Variants in H2BC12 observed in about 807,000 individuals in gnomAD.
The protein encoded by H2BC12 is H2B clustered histone 12, also known as histone H2B type 1-K.
H2BC12 carries 6 observed loss-of-function variants against 6.3 expected under a neutral mutation model. That is an observed-to-expected ratio of 0.95 (90% CI 0.52 to 1.87). H2BC12 has a LOEUF of 1.87. Among genes scored for constraint, H2BC12 ranks in the 40% most tolerant of loss-of-function variants. H2BC12 has a pLI of 0.01. For synonymous variants in H2BC12, 132 were observed against 78.5 expected (o/e 1.68, Z -3.60); for missense variants, 119 against 178.4 (o/e 0.67, Z 1.90).
chr6:27,141,538 G>A (rs1760007631), downstream of H2BC12, among the ~76,000 whole-genome samples: 1 of 152,062 alleles, frequency 6.6e-6, no homozygotes, highest in Non-Finnish European at 1.5e-5. Flanking sequence ...CACTCTCTTA[G>A]TAGATAGATA....
In H2BC12 at chr6:27,146,759, C is replaced by G. The variant is rs765446946; in HGVS notation, c.40G>C (p.Gly14Arg). The change falls in exon 1 of 1, where the codon GGC becomes CGC. Residue 14 changes from glycine (G) to arginine (R), a missense_variant. By Grantham distance (125) the Gly-to-Arg change is moderately radical. Coordinates refer to ENST00000356950, the MANE Select transcript of H2BC12 (RefSeq NM_001312653.2). ...PAKSAPAPKK[G>R]SKKAVTKAQK... The stretch of plus-strand genomic sequence containing the variant: ...GCCTTAGTCACGGCTTTCTTCGAGC[C>G]CTTCTTGGGCGCGGGAGCGGACTTC... The G allele has an allele frequency of 6.2e-7, 1 of 1,614,126 alleles. No homozygotes were observed. Among genetic ancestry groups the G allele is most frequent in the Non-Finnish European group, 8.5e-7 (1 of 1,179,994 alleles).
downstream of H2BC12, among the ~76,000 whole-genome samples, chr6:27,141,941 CAA>C (rs1760011242): frequency 1.3e-5 from 2 of 152,152 alleles, no homozygotes; most frequent in Non-Finnish European, 2.9e-5. Flanking sequence ...TGAGCACTTA[CAA>C]TGTGGCATGT....
rs764791199 is a variant in H2BC12, at chr6:27,146,643, G to A, written c.156C>T (p.Asp52=). 1 of 1,614,282 alleles carries A rather than the reference G, an allele frequency of 6.2e-7. No individual in the cohort carries two copies. ...VYKVLKQVHP[D]TGISSKAMGI... is the part of the protein sequence containing the mutation. ...CCATGGCCTTAGAGGAGATGCCGGT[G>A]TCGGGGTGGACCTGCTTCAGCACCT... Residue 52 remains aspartate (D), a synonymous_variant, in exon 1 of 1, where the codon GAC becomes GAT. Transcript: ENST00000356950.
At position 27,146,846 on chromosome 6, in the gene H2BC12, G is replaced by C. The variant is rs376174941; in HGVS notation, c.-48C>G. ...GAGACGAGCAGCAGATCGAGAAAACGGGAAGTAATGGGAGCAAGGTACCAG... is the reference window on the plus strand; with the variant it reads ...GAGACGAGCAGCAGATCGAGAAAACCGGAAGTAATGGGAGCAAGGTACCAG... On this transcript the variant is annotated 5_prime_UTR_variant, in exon 1 of 1. Transcript: ENST00000356950. 2.5e-6 allele frequency: 4 copies of C among 1,597,004 alleles called. No individual in the cohort carries two copies. Among genetic ancestry groups the C allele is most frequent in the Non-Finnish European group, 3.4e-6 (4 of 1,172,368 alleles).
chr6:27,146,837 C>T lies in H2BC12; in HGVS notation c.-39G>A, dbSNP rs200177468. ...TACGAGCCTGAGACGAGCAGCAGAT[C>T]GAGAAAACGGGAAGTAATGGGAGCA... On this transcript the variant is annotated 5_prime_UTR_variant, in exon 1 of 1. Transcript: ENST00000356950. The T allele has an allele frequency of 1.1e-5, 17 of 1,602,692 alleles. No individual in the cohort carries two copies. The highest frequency in any genetic ancestry group is 9.4e-5 in the African/African-American group (7 of 74,252).
chr6:27,141,056 AAAAAAAC>A, the H2BC12 span, among the ~76,000 whole-genome samples: 2 of 151,966 alleles, frequency 1.3e-5, no homozygotes, highest in African/African-American at 4.8e-5. Flanking sequence ...GGGGGAAAAA[AAAAAAAC>A]AAAAAACATT....
chr6:27,141,843 T>TA (rs1401344044), downstream of H2BC12, among the ~76,000 whole-genome samples: 1 of 152,250 alleles, frequency 6.6e-6, no homozygotes, highest in African/African-American at 2.4e-5. Context: ...GAAGGAATTG[T>TA]AATCCTTTGC....
chr6:27,141,441 G>A (rs1276808628), downstream of H2BC12, among the ~76,000 whole-genome samples: 1 of 152,050 alleles, frequency 6.6e-6, no homozygotes, highest in African/African-American at 2.4e-5. Context: ...ACCCAAACTT[G>A]TCTTTCTTTA....
the H2BC12 span, chr6:27,139,445 G>C: frequency 6.2e-7 from 1 of 1,614,202 alleles, no homozygotes; most frequent in Non-Finnish European, 8.5e-7. Context: ...GGCGTGAAGC[G>C]CATTTCTGGC....
downstream of H2BC12, among the ~76,000 whole-genome samples, chr6:27,142,636 C>T (rs867969166): frequency 1.7e-4 from 17 of 100,278 alleles, no homozygotes; most frequent in Admixed American, 5.8e-4. Context: ...TCCCCCCCTC[C>T]TTTTTTTTTT....
downstream of H2BC12, among the ~76,000 whole-genome samples, chr6:27,145,295 TACACACACACACACACACACACACAC>T (rs57882884): frequency 1.2e-4 from 17 of 142,724 alleles, no homozygotes; most frequent in South Asian, 3.6e-3. Flanking sequence ...ATATGTTAAA[TACACACACACACACACACACACACAC>T]ACACACACAC....
chr6:27,145,241 A>G (rs957408688), downstream of H2BC12, among the ~76,000 whole-genome samples: 4 of 151,732 alleles, frequency 2.6e-5, no homozygotes, highest in South Asian at 6.2e-4. Context: ...CCAAATGCCT[A>G]AGGGCGGGCA....
downstream of H2BC12, among the ~76,000 whole-genome samples, chr6:27,143,276 A>G (rs1231563820): frequency 6.6e-6 from 1 of 152,022 alleles, no homozygotes; most frequent in Non-Finnish European, 1.5e-5. Context: ...TGCTTGAACA[A>G]AGGAGACAGA....
chr6:27,146,218 T>C (rs573713605), downstream of H2BC12, among the ~76,000 whole-genome samples: 1 of 152,364 alleles, frequency 6.6e-6, no homozygotes, highest in Admixed American at 6.5e-5. Flanking sequence ...ACAAAGTGTA[T>C]GTGGCTTCTC....
At chr6:27,139,317 A>ACG in the H2BC12 span, 16 of 1,607,746 alleles carry the variant, frequency 1.0e-5, no homozygotes, top group African/African-American at 2.1e-4. Context: ...TAATGTCAGG[A>ACG]CGCGGCAAAG....
chr6:27,140,932 A>G, the H2BC12 span, among the ~76,000 whole-genome samples: 1 of 150,720 alleles, frequency 6.6e-6, no homozygotes, highest in Middle Eastern at 3.4e-3. Context: ...ATATCTTTGG[A>G]TGTGCAAAAT....
At chr6:27,138,892 G>GTTCTA in the H2BC12 span, 3 of 156,966 alleles carry the variant, frequency 1.9e-5, no homozygotes, top group African/African-American at 4.8e-5. Flanking sequence ...AGTCTATCTT[G>GTTCTA]TTCTATTGCT....
chr6:27,141,536 TAGTAGATAGATAAGCCATCACAGAG>T (rs528184325), downstream of H2BC12, among the ~76,000 whole-genome samples: 9 of 152,270 alleles, frequency 5.9e-5, no homozygotes, highest in East Asian at 1.4e-3. Flanking sequence ...CACACTCTCT[TAGTAGATAGATAAGCCATCACAGAG>T]AGTAGTAGTG....
downstream of H2BC12, among the ~76,000 whole-genome samples, chr6:27,146,038 G>C (rs550791455): frequency 6.6e-6 from 1 of 152,264 alleles, no homozygotes; most frequent in East Asian, 1.9e-4. Context: ...TTACATGGTG[G>C]AAAGTACACG....
Sources: gnomAD v4.1 joint callset for allele counts (sites outside exome capture counted in the v4.1 genomes callset) on GRCh38, gnomAD v4.1.1 for gene constraint, MANE v1.5 for transcripts, NCBI Gene and HGNC (gene_info 2026-07-23, HGNC 2026-07-21) for gene names.